The following FBXL17 variants were observed in gnomAD, a reference collection of about 807,000 sequenced individuals.
FBXL17 encodes F-box and leucine rich repeat protein 17.
A neutral mutation model predicts 66.2 loss-of-function variants in FBXL17; 22 were observed. That is an observed-to-expected ratio of 0.33 (90% CI 0.24 to 0.47). FBXL17 has a LOEUF of 0.47. Ranked by LOEUF, FBXL17 falls within the 20% of genes least tolerant of loss-of-function variation. The pLI, the probability that FBXL17 is intolerant of heterozygous loss-of-function variation, is 1.00. For missense variants in FBXL17, 878 were observed against 948.2 expected (o/e 0.93, Z 0.97); for synonymous variants, 474 against 400.5 (o/e 1.18, Z -2.19).
chr5:108,121,308 C>G (rs1459695252), intron 6 of FBXL17, among the ~76,000 whole-genome samples: 2 of 151,756 alleles, frequency 1.3e-5, no homozygotes, highest in South Asian at 4.1e-4. Context: ...AGATTGGCAA[C>G]AGAGCAAGAC....
chr5:108,112,023 T>A (rs1319283374), intron 6 of FBXL17, among the ~76,000 whole-genome samples: 1 of 152,158 alleles, frequency 6.6e-6, no homozygotes, highest in African/African-American at 2.4e-5. Flanking sequence ...AGTTTCTGGA[T>A]GCGGCAAGGG....
intron 6 of FBXL17, among the ~76,000 whole-genome samples, chr5:108,090,866 A>G (rs1014360659): frequency 1.3e-5 from 2 of 152,172 alleles, no homozygotes; most frequent in Admixed American, 6.5e-5. Context: ...TTACTTGAGG[A>G]TATTTTAAGG....
intron 6 of FBXL17, among the ~76,000 whole-genome samples, chr5:108,124,698 T>C (rs1319215186): frequency 1.3e-5 from 2 of 152,052 alleles, no homozygotes. Context: ...CAGTAATTTG[T>C]ATCATTCTCA....
intron 4 of FBXL17, among the ~76,000 whole-genome samples, chr5:108,336,152 TGAAACTA>T (rs1356088402): frequency 2.0e-5 from 3 of 152,296 alleles, no homozygotes; most frequent in African/African-American, 7.2e-5. Flanking sequence ...GAAGAATTTA[TGAAACTA>T]GAAACTAAAA....
intron 6 of FBXL17, among the ~76,000 whole-genome samples, chr5:108,035,071 A>C (rs1746789139): frequency 6.6e-6 from 1 of 152,118 alleles, no homozygotes; most frequent in Admixed American, 6.5e-5. Context: ...CAAATTACTC[A>C]ATTGTTTTCA....
chr5:108,196,759 C>T (rs1174488330), intron 5 of FBXL17, among the ~76,000 whole-genome samples: 1 of 151,946 alleles, frequency 6.6e-6, no homozygotes, highest in Non-Finnish European at 1.5e-5. Context: ...TCTATTTGAA[C>T]ATAAAGTAAT....
chr5:108,140,892 A>G (rs949284644), intron 6 of FBXL17, among the ~76,000 whole-genome samples: 1 of 151,290 alleles, frequency 6.6e-6, no homozygotes, highest in African/African-American at 2.4e-5. Flanking sequence ...ATTTTGAATT[A>G]TTTTCCCTTA....
chr5:108,124,246 A>G (rs1187118668), intron 6 of FBXL17, among the ~76,000 whole-genome samples: 2 of 152,072 alleles, frequency 1.3e-5, no homozygotes, highest in Admixed American at 1.3e-4. Flanking sequence ...TCCTGAAATG[A>G]ATATATATTA....
At chr5:108,345,905 T>C (rs1035372092) in intron 4 of FBXL17, among the ~76,000 whole-genome samples, 1 of 152,166 alleles carries the variant, frequency 6.6e-6, no homozygotes, top group African/African-American at 2.4e-5. Flanking sequence ...TATAATACTC[T>C]TTTTGAGAAT....
chr5:108,146,410 T>C (rs1254002378), intron 6 of FBXL17, among the ~76,000 whole-genome samples: 2 of 152,168 alleles, frequency 1.3e-5, no homozygotes, highest in South Asian at 2.1e-4. Context: ...ACTATCACTA[T>C]AGCAGGATAT....
At chr5:108,365,475 A>G (rs1359105894) in intron 2 of FBXL17, among the ~76,000 whole-genome samples, 1 of 152,148 alleles carries the variant, frequency 6.6e-6, no homozygotes, top group African/African-American at 2.4e-5. Context: ...AAACAACATC[A>G]AAGTGCTGAG....
chr5:108,019,135 T>C lies in FBXL17; in HGVS notation c.1822+1790A>G, dbSNP rs78855216. On this transcript the variant is annotated intron_variant, in intron 7 of 8. Coordinates refer to ENST00000542267, the MANE Select transcript of FBXL17 (RefSeq NM_001163315.3). ...AACAACACTTACTAGCAGTGTACAC[T>C]GTGCTACTCACGAGGTTAGGTACCA... Among the ~76,000 whole-genome samples the C allele has an allele frequency of 7.6e-3, 1,157 of 152,254 alleles. 13 individuals are homozygous for C. The highest frequency in any genetic ancestry group is 0.025 in the African/African-American group (1,058 of 41,562).
At chr5:108,340,950 T>C (rs775463852) in intron 4 of FBXL17, among the ~76,000 whole-genome samples, 2 of 152,134 alleles carry the variant, frequency 1.3e-5, no homozygotes, top group Non-Finnish European at 2.9e-5. Context: ...TTTGACATGA[T>C]ATAGAAAAAT....
At chr5:108,146,058 A>C (rs1157589133) in intron 6 of FBXL17, among the ~76,000 whole-genome samples, 1 of 150,522 alleles carries the variant, frequency 6.6e-6, no homozygotes, top group Non-Finnish European at 1.5e-5. Context: ...CTCTACTAAA[A>C]ATCTCTACTA....
chr5:108,162,151 C>T (rs1752240483), intron 6 of FBXL17, among the ~76,000 whole-genome samples: 1 of 152,126 alleles, frequency 6.6e-6, no homozygotes, highest in Non-Finnish European at 1.5e-5. Context: ...GGTAGGAAAT[C>T]CAAATGTTCT....
intron 4 of FBXL17, 68 bp from the exon 5 acceptor site, chr5:108,224,296 A>G: frequency 1.2e-6 from 1 of 813,432 alleles, no homozygotes; most frequent in Non-Finnish European, 2.0e-6. Context: ...TTGGCTCCTG[A>G]AAATCCTCTC....
At chr5:108,306,099 C>T (rs1402615435) in intron 4 of FBXL17, among the ~76,000 whole-genome samples, 1 of 152,036 alleles carries the variant, frequency 6.6e-6, no homozygotes, top group Non-Finnish European at 1.5e-5. Flanking sequence ...TGGAAGAATA[C>T]ATGAATTGCA....
chr5:108,134,508 C>A (rs1751058857), intron 6 of FBXL17, among the ~76,000 whole-genome samples: 1 of 151,962 alleles, frequency 6.6e-6, no homozygotes, highest in Non-Finnish European at 1.5e-5. Context: ...CAAATTTTTC[C>A]CCCAAAACCT....
intron 6 of FBXL17, among the ~76,000 whole-genome samples, chr5:108,143,726 GAAAAAAAAAA>G (rs67537467): frequency 1.9e-5 from 2 of 107,528 alleles, no homozygotes; most frequent in Non-Finnish European, 3.5e-5. Context: ...GTTTTCATGG[GAAAAAAAAAA>G]AAAAAAAAAA....
Sources: allele counts gnomAD v4.1 joint callset (sites outside exome capture counted in the v4.1 genomes callset), GRCh38; gene constraint gnomAD v4.1.1; transcripts MANE v1.5; gene names NCBI Gene and HGNC (gene_info 2026-07-23, HGNC 2026-07-21).